DEUP1: variants seen among roughly 807,000 people sequenced by gnomAD.
The protein encoded by DEUP1 is deuterosome assembly protein 1.
A neutral mutation model predicts 87.4 loss-of-function variants in DEUP1; 82 were observed. The ratio of observed to expected loss-of-function variants is 0.94; its 90% CI spans 0.78 to 1.13. The LOEUF (loss-of-function observed/expected upper bound fraction) is 1.13. DEUP1 is among the 50% of genes most tolerant of loss of function. DEUP1 has a pLI of 0.00. For missense variants in DEUP1, 663 were observed against 681.5 expected (o/e 0.97, Z 0.30); for synonymous variants, 214 against 222.7 (o/e 0.96, Z 0.35).
At chr11:93,432,126 T>C (rs1948124192) in intron 13 of DEUP1, among the ~76,000 whole-genome samples, 1 of 152,122 alleles carries the variant, frequency 6.6e-6, no homozygotes, top group African/African-American at 2.4e-5. Context: ...ATCATCCCAA[T>C]ACAAAGCCTT....
intron 9 of DEUP1, among the ~76,000 whole-genome samples, chr11:93,394,249 G>C (rs1187407916): frequency 6.6e-6 from 1 of 152,106 alleles, no homozygotes; most frequent in Non-Finnish European, 1.5e-5. Context: ...GAAAATAGAA[G>C]TGAGAAATGA....
chr11:93,386,313 G>T (rs1246437985), intron 8 of DEUP1, among the ~76,000 whole-genome samples: 3 of 151,850 alleles, frequency 2.0e-5, no homozygotes. Flanking sequence ...AAACACAAAG[G>T]AAATCAGACA....
chr11:93,410,686 C>A (rs929490443), intron 12 of DEUP1, among the ~76,000 whole-genome samples: 1 of 152,132 alleles, frequency 6.6e-6, no homozygotes, highest in Non-Finnish European at 1.5e-5. Flanking sequence ...GATGGAGATA[C>A]CAGGTGTTGT....
intron 1 of DEUP1, among the ~76,000 whole-genome samples, chr11:93,331,752 A>G (rs1313944862): frequency 6.6e-6 from 1 of 152,228 alleles, no homozygotes. Context: ...TCAATAAATC[A>G]CTAAGTCAAT....
intron 4 of DEUP1, 118 bp downstream of exon 4, chr11:93,357,161 A>G (rs1372441039): frequency 1.6e-6 from 1 of 641,454 alleles, no homozygotes; most frequent in Non-Finnish European, 2.6e-6. Context: ...TTTTAATTAT[A>G]AGCTTGGTCA....
intron 13 of DEUP1, among the ~76,000 whole-genome samples, chr11:93,429,528 C>T (rs777097227): frequency 1.3e-4 from 20 of 152,246 alleles, no homozygotes; most frequent in South Asian, 4.1e-4. Flanking sequence ...CAAATATCAC[C>T]TTATCAGAGA....
At chr11:93,383,343 C>T in intron 7 of DEUP1, 1 of 339,858 alleles carries the variant, frequency 2.9e-6, no homozygotes, top group East Asian at 4.4e-5. Context: ...AAGCATTATG[C>T]TACATTAAAG....
In DEUP1 at chr11:93,437,956, T is replaced by C; in HGVS notation, c.*237T>C. ...AGAGTTACTATAAAATAAACATGAC[T>C]ATTCCAAAAGAGATTTTTTTCCAGT... On this transcript the variant is annotated 3_prime_UTR_variant, in exon 14 of 14. Coordinates refer to ENST00000298050, the MANE Select transcript of DEUP1 (RefSeq NM_181645.4). 1 of 300,058 alleles carries C rather than the reference T, an allele frequency of 3.3e-6. No individual in the cohort carries two copies. The highest frequency in any genetic ancestry group is 4.7e-5 in the South Asian group (1 of 21,242). 18.6% of individuals were successfully genotyped at this position (300,058 alleles called of 1,614,324 possible).
At chr11:93,415,319 G>A in intron 13 of DEUP1, 1 of 307,574 alleles carries the variant, frequency 3.3e-6, no homozygotes, top group South Asian at 6.6e-5. Context: ...AAGTGTTTCA[G>A]TCAATGATTA....
At chr11:93,378,131 C>G (rs1946129122) in intron 7 of DEUP1, among the ~76,000 whole-genome samples, 2 of 152,080 alleles carry the variant, frequency 1.3e-5, no homozygotes, top group South Asian at 4.1e-4. Context: ...CTTTGAGCTT[C>G]TTGTATTTGG....
chr11:93,412,972 G>A (rs1401312449), intron 12 of DEUP1, among the ~76,000 whole-genome samples: 1 of 151,898 alleles, frequency 6.6e-6, no homozygotes, highest in African/African-American at 2.4e-5. Flanking sequence ...TTGTTTTTGT[G>A]TACTAATTTA....
At chr11:93,373,625 G>GTGTATA (rs796309948) in intron 7 of DEUP1, among the ~76,000 whole-genome samples, 47 of 67,006 alleles carry the variant, frequency 7.0e-4, no homozygotes, top group African/African-American at 1.6e-3. Flanking sequence ...ATATATATAC[G>GTGTATA]TATATATATA....
At chr11:93,398,443 T>C (rs1236326202) in intron 11 of DEUP1, among the ~76,000 whole-genome samples, 1 of 152,134 alleles carries the variant, frequency 6.6e-6, no homozygotes, top group African/African-American at 2.4e-5. Context: ...AAAGGATATG[T>C]GTGTTTTAAT....
At chr11:93,434,878 C>T (rs184812265) in intron 13 of DEUP1, among the ~76,000 whole-genome samples, 1 of 152,266 alleles carries the variant, frequency 6.6e-6, no homozygotes, top group Admixed American at 6.5e-5. Context: ...AGAATGGCAC[C>T]CCAACCTCAC....
chr11:93,400,692 A>G (rs1295334959), intron 11 of DEUP1, among the ~76,000 whole-genome samples: 3 of 152,166 alleles, frequency 2.0e-5, no homozygotes, highest in South Asian at 2.1e-4. Context: ...TGGATTCTAT[A>G]TGATAATATT....
intron 7 of DEUP1, among the ~76,000 whole-genome samples, chr11:93,376,420 A>T (rs1186241289): frequency 6.6e-6 from 1 of 152,216 alleles, no homozygotes. Flanking sequence ...AGGTGTTCAT[A>T]GTAGCCTTGA....
intron 11 of DEUP1, among the ~76,000 whole-genome samples, chr11:93,400,860 G>T (rs546932838): frequency 2.8e-4 from 43 of 152,220 alleles, no homozygotes; most frequent in Middle Eastern, 3.4e-3. Context: ...GGGAAGAATT[G>T]AAAGCCTTTC....
chr11:93,369,192 G>A (rs1307770617), intron 5 of DEUP1, among the ~76,000 whole-genome samples: 3 of 152,192 alleles, frequency 2.0e-5, no homozygotes, highest in East Asian at 1.9e-4. Context: ...CTTCTTATAA[G>A]AGCACTCATC....
intron 7 of DEUP1, among the ~76,000 whole-genome samples, chr11:93,375,626 T>C (rs1309241282): frequency 6.6e-6 from 1 of 152,196 alleles, no homozygotes. Flanking sequence ...GCATCCCTCA[T>C]TTGAAACCCA....
Sources: allele counts gnomAD v4.1 joint callset (sites outside exome capture counted in the v4.1 genomes callset), GRCh38; gene constraint gnomAD v4.1.1; transcripts MANE v1.5; gene names NCBI Gene and HGNC (gene_info 2026-07-23, HGNC 2026-07-21).